ARHGAP5: variants seen among roughly 807,000 people sequenced by gnomAD.
ARHGAP5 encodes the protein rho GTPase-activating protein 5.
In ARHGAP5, 23 loss-of-function variants were observed where a neutral mutation model predicts 116.6. The observed-to-expected ratio is 0.20, with a 90% CI of 0.14 to 0.28. The LOEUF (loss-of-function observed/expected upper bound fraction) is 0.28, where lower values mean the gene tolerates loss of function less well. Among genes scored for constraint, ARHGAP5 ranks in the 10% least tolerant of loss-of-function variants. The probability of loss-of-function intolerance (pLI) is 1.00; values close to 1 mark genes in which losing one functional copy is unlikely to be tolerated. For synonymous variants in ARHGAP5, 574 were observed against 602.0 expected (o/e 0.95, Z 0.68); for missense variants, 1,405 against 1,774.8 (o/e 0.79, Z 3.74).
chr14:32,090,758 G>C lies in ARHGAP5; in HGVS notation c.89G>C (p.Cys30Ser), dbSNP rs1878201087. 1 of 1,613,590 alleles carries C rather than the reference G, an allele frequency of 6.2e-7. No homozygotes were observed. Among genetic ancestry groups the C allele is most frequent in the Non-Finnish European group, 8.5e-7 (1 of 1,179,590 alleles). ...LSGTEKDKGN[C>S]GVGKSCLCNR... ...GGGACTGAAAAAGACAAAGGTAACTGTGGAGTTGGAAAGTCTTGTTTGTGC... is the reference window on the plus strand; with the variant it reads ...GGGACTGAAAAAGACAAAGGTAACTCTGGAGTTGGAAAGTCTTGTTTGTGC... The change falls in exon 2 of 7, where the codon TGT (cysteine) becomes TCT (serine). Residue 30 changes from cysteine to serine, a missense_variant. Transcript: ENST00000345122.
At chr14:32,127,279 G>A (rs543376019) in intron 3 of ARHGAP5, among the ~76,000 whole-genome samples, 5 of 152,168 alleles carry the variant, frequency 3.3e-5, no homozygotes, top group African/African-American at 1.2e-4. Context: ...AGATAAACAT[G>A]TGAACAAAGG....
At chr14:32,134,221 A>G (rs1594383565) in intron 3 of ARHGAP5, among the ~76,000 whole-genome samples, 2 of 152,182 alleles carry the variant, frequency 1.3e-5, no homozygotes, top group Non-Finnish European at 1.5e-5. Flanking sequence ...TTTTTTCATG[A>G]AAAAATTCAA....
intron 3 of ARHGAP5, among the ~76,000 whole-genome samples, chr14:32,135,606 A>G (rs1262959767): frequency 6.6e-6 from 1 of 152,176 alleles, no homozygotes; most frequent in Non-Finnish European, 1.5e-5. Flanking sequence ...TATTTTTAGT[A>G]GAGACAGGGT....
intron 3 of ARHGAP5, among the ~76,000 whole-genome samples, chr14:32,125,788 G>C (rs1350969981): frequency 2.0e-5 from 3 of 151,996 alleles, no homozygotes; most frequent in Non-Finnish European, 4.4e-5. Flanking sequence ...TTTTTTATTT[G>C]TCTTTAATTT....
In ARHGAP5 at chr14:32,092,669, C is replaced by T; in HGVS notation, c.2000C>T (p.Ser667Leu). ...TTCTGTGTATTTAATTCCATTGAGT[C>T]ATTGAGTTTTATTGGGGAATTTATT... is the stretch of plus-strand genomic sequence containing the variant. ...GCFCVFNSIE[S>L]LSFIGEFIGK... Residue 667 changes from serine (S) to leucine (L), a missense_variant, in exon 2 of 7, where the codon TCA becomes TTA. Physicochemically the swap from Ser to Leu is moderately radical, Grantham distance 145 (BLOSUM62 -2). Coordinates refer to ENST00000345122, the MANE Select transcript of ARHGAP5 (RefSeq NM_001030055.2). The surrounding 1 kb of genome is among the most constrained non-coding windows in gnomAD (Gnocchi z 4.1). 6.2e-7 allele frequency: 1 copy of T among 1,613,968 alleles called. No homozygotes were observed. Among genetic ancestry groups the T allele is most frequent in the Non-Finnish European group, 8.5e-7 (1 of 1,179,894 alleles).
At chr14:32,098,340 A>G (rs1046775990) in intron 2 of ARHGAP5, among the ~76,000 whole-genome samples, 1 of 152,224 alleles carries the variant, frequency 6.6e-6, no homozygotes, top group Non-Finnish European at 1.5e-5. Context: ...ACATGGGGCT[A>G]TTGGACACTT....
At chr14:32,101,072 CT>C (rs1430952327) in intron 2 of ARHGAP5, among the ~76,000 whole-genome samples, 3 of 151,980 alleles carry the variant, frequency 2.0e-5, no homozygotes, top group South Asian at 2.1e-4. Context: ...TTTTTAACTT[CT>C]TTTTAAATTG....
At chr14:32,131,590 T>C (rs960750563) in intron 3 of ARHGAP5, among the ~76,000 whole-genome samples, 1 of 152,178 alleles carries the variant, frequency 6.6e-6, no homozygotes, top group Non-Finnish European at 1.5e-5. Context: ...TTTTGTTTTT[T>C]GTTATTATTA....
intron 3 of ARHGAP5, among the ~76,000 whole-genome samples, chr14:32,128,905 A>G (rs1386142129): frequency 1.3e-5 from 2 of 152,214 alleles, no homozygotes; most frequent in African/African-American, 4.8e-5. Flanking sequence ...TTCTACTTTT[A>G]GAATGGTATA....
chr14:32,105,326 A>G (rs1176806499), intron 2 of ARHGAP5, among the ~76,000 whole-genome samples: 2 of 152,294 alleles, frequency 1.3e-5, no homozygotes, highest in Non-Finnish European at 2.9e-5. Context: ...TCGACTGTTT[A>G]TCATTCATTA....
intron 2 of ARHGAP5, among the ~76,000 whole-genome samples, chr14:32,116,693 A>G (rs575666894): frequency 6.6e-6 from 1 of 152,204 alleles, no homozygotes; most frequent in Admixed American, 6.5e-5. Flanking sequence ...TCATGGAGTT[A>G]TATAGCATCA....
At position 32,094,196 on chromosome 14, in the gene ARHGAP5, G is replaced by C; in HGVS notation, c.3527G>C (p.Ser1176Thr). Reference sequence around the variant, plus strand: ...TATAGAAGAACACATTCAGATGCCAGTGATGATGAGGCTTTCACCACTTCT... The same window carrying C: ...TATAGAAGAACACATTCAGATGCCACTGATGATGAGGCTTTCACCACTTCT... The part of the protein sequence containing the change: ...SYYRRTHSDA[S>T]DDEAFTTSKT... The change falls in exon 2 of 7, where the codon AGT becomes ACT. Residue 1176 changes from serine to threonine, a missense_variant. Ser to Thr is a moderately conservative substitution (Grantham distance 58, BLOSUM62 1). Coordinates refer to ENST00000345122, the MANE Select transcript of ARHGAP5 (RefSeq NM_001030055.2). 1 of 1,612,738 alleles carries C rather than the reference G, an allele frequency of 6.2e-7. No individual in the cohort carries two copies. The highest frequency in any genetic ancestry group is 8.5e-7 in the Non-Finnish European group (1 of 1,179,754).
At position 32,137,484 on chromosome 14, in the gene ARHGAP5, T is replaced by A. The variant is rs145180642; in HGVS notation, c.3866-8779T>A. ...TGGTTACTGTAATTTTGTAGTAAGT[T>A]TTGAAATCAGAAAGCATAGAGTTCT... is the stretch of plus-strand genomic sequence containing the variant. On this transcript the variant is annotated intron_variant, in intron 3 of 6. Transcript: ENST00000345122. 1.3e-4 allele frequency among the ~76,000 whole-genome samples: 20 copies of A among 152,112 alleles called. No homozygotes were observed. In the East Asian group the frequency reaches 3.9e-3, roughly 29 times the overall value.
intron 1 of ARHGAP5, among the ~76,000 whole-genome samples, chr14:32,079,658 G>A (rs1305076533): frequency 6.6e-6 from 1 of 151,994 alleles, no homozygotes; most frequent in Non-Finnish European, 1.5e-5. Context: ...GAAAAAGTTA[G>A]GTCTCATAAA....
chr14:32,138,094 C>G (rs994515610), intron 3 of ARHGAP5, among the ~76,000 whole-genome samples: 1 of 151,488 alleles, frequency 6.6e-6, no homozygotes, highest in African/African-American at 2.4e-5. Flanking sequence ...AGTGTTGTAC[C>G]TTCTTGGTCA....
chr14:32,090,646 A>C lies in ARHGAP5; in HGVS notation c.-24A>C. The C allele has an allele frequency of 6.5e-7, 1 of 1,541,760 alleles. No homozygotes were observed. The highest frequency in any genetic ancestry group is 8.7e-7 in the Non-Finnish European group (1 of 1,144,104). Reference sequence around the variant, plus strand: ...GAAGCATATCTGGTTACCTTTATGAATGTAGAGACATGAGAAGAGAGTTAT... The same window carrying C: ...GAAGCATATCTGGTTACCTTTATGACTGTAGAGACATGAGAAGAGAGTTAT... On this transcript the variant is annotated 5_prime_UTR_variant, in exon 2 of 7. An upstream start codon of the reference 5' UTR is lost. Coordinates refer to ENST00000345122, the MANE Select transcript of ARHGAP5 (RefSeq NM_001030055.2).
At chr14:32,090,172 A>G (rs1378096425) in intron 1 of ARHGAP5, among the ~76,000 whole-genome samples, 2 of 152,042 alleles carry the variant, frequency 1.3e-5, no homozygotes, top group Non-Finnish European at 2.9e-5. Context: ...GACAGAAGGC[A>G]GGAAAATTAA....
chr14:32,115,191 C>T (rs189805370), intron 2 of ARHGAP5, among the ~76,000 whole-genome samples: 4 of 152,266 alleles, frequency 2.6e-5, no homozygotes, highest in Admixed American at 2.6e-4. Context: ...AGAATCTCCT[C>T]AGTAGTTTGA....
At chr14:32,084,073 A>G (rs1490081308) in intron 1 of ARHGAP5, among the ~76,000 whole-genome samples, 1 of 152,160 alleles carries the variant, frequency 6.6e-6, no homozygotes, top group African/African-American at 2.4e-5. Context: ...CTTGCACACC[A>G]AGGCCTCAGG....
Sources: gnomAD v4.1 joint callset for allele counts (sites outside exome capture counted in the v4.1 genomes callset) on GRCh38, gnomAD v4.1.1 for gene constraint, Gnocchi (gnomAD v3.1) non-coding constraint, MANE v1.5 for transcripts, NCBI Gene and HGNC (gene_info 2026-07-23, HGNC 2026-07-21) for gene names.